Variants in PTPRD observed in about 807,000 individuals in gnomAD.
The protein encoded by PTPRD is receptor-type tyrosine-protein phosphatase delta.
PTPRD carries 34 observed loss-of-function variants against 214.5 expected under a neutral mutation model. The observed-to-expected ratio is 0.16, with a 90% CI of 0.12 to 0.21. PTPRD has a LOEUF of 0.21. Ranked by LOEUF, PTPRD falls within the 10% of genes least tolerant of loss-of-function variation. The pLI is 1.00. For synonymous variants in PTPRD, 1,128 were observed against 845.7 expected (o/e 1.33, Z -5.79); for missense variants, 2,545 against 2,398.7 (o/e 1.06, Z -1.27).
At chr9:8,585,245 G>C (rs1044182078) in intron 14 of PTPRD, among the ~76,000 whole-genome samples, 5 of 152,084 alleles carry the variant, frequency 3.3e-5, no homozygotes, top group African/African-American at 1.2e-4. Context: ...GGGAGAAAAA[G>C]GGGAAGAGTA....
chr9:9,588,871 T>G (rs2092398046), intron 7 of PTPRD, among the ~76,000 whole-genome samples: 1 of 152,004 alleles, frequency 6.6e-6, no homozygotes, highest in African/African-American at 2.4e-5. Context: ...TTATGAGTTA[T>G]TCTTATAGTT....
intron 3 of PTPRD, among the ~76,000 whole-genome samples, chr9:10,272,472 G>A (rs985705687): frequency 3.9e-4 from 59 of 152,228 alleles, no homozygotes; most frequent in African/African-American, 1.4e-3. Context: ...AACCAGGCAT[G>A]GATTGCTTTG....
intron 10 of PTPRD, among the ~76,000 whole-genome samples, chr9:9,038,711 C>G (rs187355337): frequency 1.3e-5 from 2 of 151,914 alleles, no homozygotes; most frequent in Non-Finnish European, 2.9e-5. Context: ...CCTACCACCA[C>G]GCCCAGCTAA....
At chr9:8,933,960 G>C (rs1473715669) in intron 11 of PTPRD, among the ~76,000 whole-genome samples, 1 of 151,890 alleles carries the variant, frequency 6.6e-6, no homozygotes, top group Admixed American at 6.6e-5. Flanking sequence ...CCCAACCCCA[G>C]AATATATTTC....
At chr9:9,688,313 A>G (rs150878236) in intron 7 of PTPRD, among the ~76,000 whole-genome samples, 1 of 152,004 alleles carries the variant, frequency 6.6e-6, no homozygotes, top group East Asian at 1.9e-4. Context: ...TTAAGAAACC[A>G]TACAAAACGT....
intron 10 of PTPRD, among the ~76,000 whole-genome samples, chr9:9,032,501 A>G (rs563515497): frequency 4.1e-4 from 63 of 152,184 alleles, no homozygotes; most frequent in African/African-American, 1.4e-3. Flanking sequence ...AGGGAAGGAA[A>G]TGGAGACAAA....
chr9:9,813,043 A>G (rs2047636672), intron 5 of PTPRD, among the ~76,000 whole-genome samples: 1 of 152,128 alleles, frequency 6.6e-6, no homozygotes, highest in African/African-American at 2.4e-5. Flanking sequence ...AGTAAACAAC[A>G]CACTCTTAAT....
chr9:10,026,717 T>A (rs1195157424), intron 4 of PTPRD, among the ~76,000 whole-genome samples: 1 of 152,110 alleles, frequency 6.6e-6, no homozygotes, highest in African/African-American at 2.4e-5. Flanking sequence ...GTTTTCACAA[T>A]AGACAATATT....
chr9:10,492,832 T>A (rs2040781121), intron 2 of PTPRD, among the ~76,000 whole-genome samples: 1 of 152,132 alleles, frequency 6.6e-6, no homozygotes, highest in Non-Finnish European at 1.5e-5. Context: ...TTTCAGGGTT[T>A]TTATGGCTGT....
chr9:9,019,350 AAGAAAG>A (rs1569430579), intron 10 of PTPRD, among the ~76,000 whole-genome samples: 3 of 138,104 alleles, frequency 2.2e-5, no homozygotes, highest in Non-Finnish European at 3.2e-5. Flanking sequence ...GAAAGAAAGA[AAGAAAG>A]AAAGAATCTG....
intron 3 of PTPRD, among the ~76,000 whole-genome samples, chr9:10,267,880 T>C (rs1384500072): frequency 6.6e-6 from 1 of 152,172 alleles, no homozygotes; most frequent in East Asian, 1.9e-4. Context: ...GTGAATACAG[T>C]AAAAGTGAAA....
At chr9:9,694,661 C>T (rs2097337784) in intron 7 of PTPRD, among the ~76,000 whole-genome samples, 1 of 152,102 alleles carries the variant, frequency 6.6e-6, no homozygotes, top group Non-Finnish European at 1.5e-5. Flanking sequence ...TCTACTGTGG[C>T]TAAACTGGCA....
At chr9:10,252,530 C>T (rs900701464) in intron 3 of PTPRD, among the ~76,000 whole-genome samples, 1 of 152,090 alleles carries the variant, frequency 6.6e-6, no homozygotes, top group African/African-American at 2.4e-5. Context: ...CCGAGCCCAA[C>T]CCAGTCACTC....
intron 2 of PTPRD, among the ~76,000 whole-genome samples, chr9:10,453,741 G>C (rs1040985524): frequency 6.6e-6 from 1 of 151,270 alleles, no homozygotes; most frequent in African/African-American, 2.4e-5. Flanking sequence ...TATGTCATTT[G>C]TAAACCAAAA....
At chr9:9,120,956 C>T (rs943862934) in intron 10 of PTPRD, among the ~76,000 whole-genome samples, 3 of 152,180 alleles carry the variant, frequency 2.0e-5, no homozygotes, top group African/African-American at 7.2e-5. Context: ...ACACTAATCA[C>T]TCTCAGGAAT....
chr9:10,014,493 G>A (rs2096661391), intron 4 of PTPRD, among the ~76,000 whole-genome samples: 1 of 151,996 alleles, frequency 6.6e-6, no homozygotes, highest in Admixed American at 6.6e-5. Flanking sequence ...GTTTTCTAAT[G>A]ACTTGGTAAC....
intron 14 of PTPRD, among the ~76,000 whole-genome samples, chr9:8,629,525 T>A (rs190160359): frequency 6.6e-6 from 1 of 151,952 alleles, no homozygotes; most frequent in East Asian, 1.9e-4. Flanking sequence ...GTCCTATGCT[T>A]GCTCTTCACT....
intron 3 of PTPRD, among the ~76,000 whole-genome samples, chr9:10,228,335 T>G (rs1384729521): frequency 6.6e-6 from 1 of 151,992 alleles, no homozygotes; most frequent in Non-Finnish European, 1.5e-5. Context: ...AAAAGGCACT[T>G]TTAAGATTGA....
chr9:9,000,157 G>A (rs1345828236), intron 11 of PTPRD, among the ~76,000 whole-genome samples: 1 of 151,992 alleles, frequency 6.6e-6, no homozygotes, highest in Non-Finnish European at 1.5e-5. Flanking sequence ...TTCATTGATT[G>A]CTTTAAATTC....
Sources: gnomAD v4.1 joint callset for allele counts (sites outside exome capture counted in the v4.1 genomes callset) on GRCh38, gnomAD v4.1.1 for gene constraint, MANE v1.5 for transcripts, NCBI Gene and HGNC (gene_info 2026-07-23, HGNC 2026-07-21) for gene names.